ST3GAL1: variants seen among roughly 807,000 people sequenced by gnomAD.
The protein encoded by ST3GAL1 is ST3 beta-galactoside alpha-2,3-sialyltransferase 1.
ST3GAL1 carries 16 observed loss-of-function variants against 34.1 expected under a neutral mutation model. That is an observed-to-expected ratio of 0.47 (90% CI 0.32 to 0.71). ST3GAL1 has a LOEUF of 0.71. Among genes scored for constraint, ST3GAL1 ranks in the 30% least tolerant of loss-of-function variants. The pLI is 0.04. For missense variants in ST3GAL1, 353 were observed against 447.4 expected (o/e 0.79, Z 1.90); for synonymous variants, 191 against 184.7 (o/e 1.03, Z -0.28).
intron 5 of ST3GAL1, among the ~76,000 whole-genome samples, chr8:133,470,646 A>G (rs1308488449): frequency 6.6e-6 from 1 of 152,134 alleles, no homozygotes; most frequent in East Asian, 1.9e-4. Context: ...AGGCTGGGGC[A>G]CGGATGCAGG....
intron 5 of ST3GAL1, among the ~76,000 whole-genome samples, chr8:133,471,705 C>A (rs1563698828): frequency 6.6e-6 from 1 of 152,044 alleles, no homozygotes; most frequent in Non-Finnish European, 1.5e-5. Flanking sequence ...CAATGAGATA[C>A]CTACACCCTC....
In ST3GAL1 at chr8:133,469,489, G is replaced by C. The variant is rs111370396; in HGVS notation, c.307-3399C>G. 1.5e-4 allele frequency among the ~76,000 whole-genome samples: 23 copies of C among 152,290 alleles called. No individual in the cohort carries two copies. Among genetic ancestry groups the C allele is most frequent in the African/African-American group, 4.1e-4 (17 of 41,550 alleles). On this transcript the variant is annotated intron_variant, in intron 5 of 9. Coordinates refer to ENST00000522652, the MANE Select transcript of ST3GAL1 (RefSeq NM_173344.3). The surrounding 1 kb of genome is among the most constrained non-coding windows in gnomAD (Gnocchi z 4.3). ...CCGCCTCAGCCTCCCAAAGTGTTGG[G>C]ATTATAGGTGTGAGCCACCATGCCT... is the stretch of plus-strand genomic sequence containing the variant.
rs374454259 is a variant in ST3GAL1 at position 133,557,220 on chromosome 8, T to C, written c.-581-11294A>G. On this transcript the variant is annotated intron_variant, in intron 1 of 9. Transcript: ENST00000522652. ...AGATGCCAGAATTCACAAAAGACAA[T>C]ACAAGCTTGCTCACCGGGAGGTCTA... Among the ~76,000 whole-genome samples, 12 of 152,140 alleles carry C rather than the reference T, an allele frequency of 7.9e-5. 1 individual carries two copies. In the South Asian group the frequency reaches 2.3e-3, roughly 29 times the overall value.
chr8:133,535,301 T>A (rs946610357), intron 2 of ST3GAL1, among the ~76,000 whole-genome samples: 1 of 152,196 alleles, frequency 6.6e-6, no homozygotes, highest in Admixed American at 6.5e-5. Context: ...TATAGATCTA[T>A]AGAATACTGG....
At chr8:133,560,521 G>C (rs528461816) in intron 1 of ST3GAL1, among the ~76,000 whole-genome samples, 1 of 152,202 alleles carries the variant, frequency 6.6e-6, no homozygotes, top group East Asian at 1.9e-4. Context: ...GAAAGCACCA[G>C]GTGGAGAAAA....
At position 133,491,017 on chromosome 8, in the gene ST3GAL1, CT is replaced by C. The variant is rs149082953; in HGVS notation, c.-374+8117del. 4.5e-3 allele frequency among the ~76,000 whole-genome samples: 683 copies of C among 152,268 alleles called. 8 individuals are homozygous for C. The highest frequency in any genetic ancestry group is 0.015 in the African/African-American group (638 of 41,560). ...AGAACCCTTCGATGTGCTTGCAAAT[CT>C]TCCTCTTTGCACCTTAGTGCCTCCT... On this transcript the variant is annotated intron_variant, in intron 3 of 9. Transcript: ENST00000522652.
At chr8:133,517,146 A>T (rs1251803676) in intron 2 of ST3GAL1, among the ~76,000 whole-genome samples, 2 of 152,300 alleles carry the variant, frequency 1.3e-5, no homozygotes, top group East Asian at 3.9e-4. Context: ...GTTTTCAGTA[A>T]CACAGTGGCT....
At chr8:133,529,805 T>C (rs1223721070) in intron 2 of ST3GAL1, among the ~76,000 whole-genome samples, 2 of 152,044 alleles carry the variant, frequency 1.3e-5, no homozygotes, top group Non-Finnish European at 2.9e-5. Context: ...TAACCCCCAT[T>C]TGAGGGCTGT....
rs547488364 is a variant in ST3GAL1 at position 133,565,133 on chromosome 8, G to C, written c.-582+6560C>G. Among the ~76,000 whole-genome samples, 14 of 150,304 alleles carry C rather than the reference G, an allele frequency of 9.3e-5. No individual in the cohort carries two copies. In the South Asian group the frequency reaches 3.0e-3, roughly 32 times the overall value. ...CCCCAGCTGTTGCAGATTCAAATGA[G>C]ATAACAGCTCTGTGTGCCTGTGTGT... On this transcript the variant is annotated intron_variant, in intron 1 of 9. Coordinates refer to ENST00000522652, the MANE Select transcript of ST3GAL1 (RefSeq NM_173344.3).
At position 133,562,841 on chromosome 8, in the gene ST3GAL1, C is replaced by CCTTCCTTCCTTCCTTTCTTTTTCTTT. The variant is rs1491286901; in HGVS notation, c.-582+8851_-582+8852insAAAGAAAAAGAAAGGAAGGAAGGAAG. 4.8e-3 allele frequency among the ~76,000 whole-genome samples: 396 copies of CCTTCCTTCCTTCCTTTCTTTTTCTTT among 82,338 alleles called. 2 individuals carry two copies. Among genetic ancestry groups the CCTTCCTTCCTTCCTTTCTTTTTCTTT allele is most frequent in the African/African-American group, 0.017 (378 of 22,316 alleles). 54.0% of individuals were successfully genotyped at this position (82,338 alleles called of 152,430 possible). On this transcript the variant is annotated intron_variant, in intron 1 of 9. Coordinates refer to ENST00000522652, the MANE Select transcript of ST3GAL1 (RefSeq NM_173344.3). ...TCCTTCCTTCCTTCCTTCCTTCCTTCCTTTCTTTCTTTTTTTTTTTTTTTT... is the reference window on the plus strand; with the variant it reads ...TCCTTCCTTCCTTCCTTCCTTCCTTCCTTCCTTCCTTCCTTTCTTTTTCTTTCTTTCTTTCTTTTTTTTTTTTTTTT...
At chr8:133,510,175 C>T (rs1290145579) in intron 2 of ST3GAL1, among the ~76,000 whole-genome samples, 2 of 152,132 alleles carry the variant, frequency 1.3e-5, no homozygotes, top group Non-Finnish European at 2.9e-5. Context: ...CAGGGGACTT[C>T]CCAGGTTAAG....
chr8:133,558,088 C>T (rs1399988500), intron 1 of ST3GAL1, among the ~76,000 whole-genome samples: 5 of 152,126 alleles, frequency 3.3e-5, no homozygotes, highest in Admixed American at 1.3e-4. Context: ...CTCCAGGAAG[C>T]GCTCTCTGGT....
At chr8:133,482,779 C>A (rs1158206240) in intron 3 of ST3GAL1, among the ~76,000 whole-genome samples, 1 of 152,234 alleles carries the variant, frequency 6.6e-6, no homozygotes, top group African/African-American at 2.4e-5. Flanking sequence ...GGCCCTCAAA[C>A]CTTCCAGTAA....
In ST3GAL1 at chr8:133,455,250, T is replaced by C. The variant is rs1157668566; in HGVS notation, c.*4514A>G. The C allele has an allele frequency of 6.6e-6, 1 of 152,386 alleles. No homozygotes were observed. Among genetic ancestry groups the C allele is most frequent in the African/African-American group, 2.4e-5 (1 of 41,438 alleles). The allele number at this position is 152,386 out of a possible 1,614,324, so 9.4% of individuals were successfully genotyped here. A position where few individuals can be genotyped will look rare whatever the true frequency, so the allele number is the denominator to read the frequency against. On this transcript the variant is annotated 3_prime_UTR_variant, in exon 10 of 10. Coordinates refer to ENST00000522652, the MANE Select transcript of ST3GAL1 (RefSeq NM_173344.3). ...TCAGGACGTACAACCGATGGCAGTT[T>C]TGTACTAGGAAGAAGCTGAGTGATG...
intron 2 of ST3GAL1, among the ~76,000 whole-genome samples, chr8:133,509,975 C>T (rs377541379): frequency 6.6e-6 from 1 of 151,140 alleles, no homozygotes; most frequent in African/African-American, 2.4e-5. Flanking sequence ...AGGAGAATTG[C>T]TTGAACCCAG....
intron 2 of ST3GAL1, among the ~76,000 whole-genome samples, chr8:133,530,286 A>ATT (rs150108560): frequency 1.6e-3 from 186 of 116,818 alleles, no homozygotes; most frequent in Middle Eastern, 8.9e-3. Context: ...CTTTATTTTT[A>ATT]TTTTTTTTTT....
chr8:133,482,122 G>T (rs1816418220), intron 3 of ST3GAL1, among the ~76,000 whole-genome samples: 1 of 152,070 alleles, frequency 6.6e-6, no homozygotes, highest in Non-Finnish European at 1.5e-5. Flanking sequence ...CAGAAAATGA[G>T]CAGGGAATAT....
intron 3 of ST3GAL1, among the ~76,000 whole-genome samples, chr8:133,496,018 A>G (rs1163561896): frequency 6.6e-6 from 1 of 152,182 alleles, no homozygotes; most frequent in Non-Finnish European, 1.5e-5. Flanking sequence ...ACAGACGGAC[A>G]GATGGATAAC....
At chr8:133,533,546 T>C (rs1047548937) in intron 2 of ST3GAL1, among the ~76,000 whole-genome samples, 1 of 152,156 alleles carries the variant, frequency 6.6e-6, no homozygotes, top group African/African-American at 2.4e-5. Context: ...CGTGTGTCCA[T>C]CCCTCCCAGC....
Sources: allele counts gnomAD v4.1 joint callset (sites outside exome capture counted in the v4.1 genomes callset), GRCh38; gene constraint gnomAD v4.1.1; non-coding constraint Gnocchi (gnomAD v3.1); transcripts MANE v1.5; gene names NCBI Gene and HGNC (gene_info 2026-07-23, HGNC 2026-07-21).